GTF2E2: variants seen among roughly 807,000 people sequenced by gnomAD.
GTF2E2 encodes the protein transcription initiation factor IIE subunit beta.
In GTF2E2, 21 loss-of-function variants were observed where a neutral mutation model predicts 40.5. The ratio of observed to expected loss-of-function variants is 0.52; its 90% confidence interval spans 0.37 to 0.75. GTF2E2 has a LOEUF of 0.75. GTF2E2 is among the 30% of genes least tolerant of loss of function. The probability of loss-of-function intolerance (pLI) is 0.00; values close to 1 mark genes in which losing one functional copy is unlikely to be tolerated. For synonymous variants in GTF2E2, 117 were observed against 121.6 expected (o/e 0.96, Z 0.25); for missense variants, 298 against 338.4 (o/e 0.88, Z 0.94).
chr8:30,596,968 T>C (rs1437556884), intron 6 of GTF2E2: 3 of 152,464 alleles, frequency 2.0e-5, no homozygotes, highest in Admixed American at 2.0e-4. Context: ...TTTTTTGGTC[T>C]TCCTTTTACG....
intron 3 of GTF2E2, among the ~76,000 whole-genome samples, chr8:30,624,044 C>T (rs891960662): frequency 3.8e-4 from 58 of 152,150 alleles, no homozygotes; most frequent in Admixed American, 4.6e-4. Flanking sequence ...TTTTGGCTTT[C>T]GTTGCCATTG....
intron 5 of GTF2E2, 32 bp downstream of exon 5, chr8:30,612,267 A>C: frequency 7.6e-7 from 1 of 1,323,680 alleles, no homozygotes; most frequent in African/African-American, 1.4e-5. Flanking sequence ...CATTCAAATT[A>C]TATTAAGACA....
At chr8:30,618,984 C>T (rs1454779798) in intron 3 of GTF2E2, among the ~76,000 whole-genome samples, 2 of 152,208 alleles carry the variant, frequency 1.3e-5, no homozygotes, top group African/African-American at 4.8e-5. Context: ...CGCCTTGTCA[C>T]CGGGCTAGAG....
intron 6 of GTF2E2, among the ~76,000 whole-genome samples, chr8:30,596,186 T>C (rs1027134646): frequency 2.0e-5 from 3 of 152,212 alleles, no homozygotes; most frequent in Non-Finnish European, 4.4e-5. Flanking sequence ...TTGGTGTCCA[T>C]CATTAATTTT....
chr8:30,655,093 C>A (rs1013554770), intron 1 of GTF2E2, among the ~76,000 whole-genome samples: 33 of 151,488 alleles, frequency 2.2e-4, no homozygotes, highest in Admixed American at 2.2e-3. Context: ...CCGGGCTACT[C>A]AGAACGCTGA....
Position 30,582,172 on chromosome 8 carries a change from A to G in GTF2E2, c.644-1776T>C, listed in dbSNP as rs116280947. Among the ~76,000 whole-genome samples, 99 of 152,114 alleles carry G rather than the reference A, an allele frequency of 6.5e-4. 1 individual carries two copies. Among genetic ancestry groups the G allele is most frequent in the African/African-American group, 2.3e-3 (94 of 41,510 alleles). On this transcript the variant is annotated intron_variant, in intron 6 of 7. Transcript: ENST00000355904. ...GACCAAGGTACACACCACCATGCCC[A>G]GCTAAGTTGTTTCTGGGGGGGTGGG...
At chr8:30,584,323 G>A (rs1488659458) in intron 6 of GTF2E2, among the ~76,000 whole-genome samples, 6 of 150,558 alleles carry the variant, frequency 4.0e-5, no homozygotes, top group African/African-American at 1.2e-4. Flanking sequence ...TTCCTGACTT[G>A]TTTTATTATA....
rs532685346 is a variant in GTF2E2 at position 30,614,471 on chromosome 8, T to G, written c.366+137A>C. ...GGCACATGCCTGTAGTCCCAACTAC[T>G]CGGGAGGCTGAGTCAGCAGTGGGCT... is the stretch of plus-strand genomic sequence containing the variant. On this transcript the variant is annotated intron_variant, in intron 4 of 7. Transcript: ENST00000355904. 898 of 548,972 alleles carry G rather than the reference T, an allele frequency of 1.6e-3. 2 individuals are homozygous for G. The highest frequency in any genetic ancestry group is 2.4e-3 in the Non-Finnish European group (744 of 311,912). 34.0% of individuals were successfully genotyped at this position (548,972 alleles called of 1,614,324 possible).
intron 2 of GTF2E2, among the ~76,000 whole-genome samples, chr8:30,646,887 G>A (rs983369770): frequency 2.1e-5 from 3 of 144,210 alleles, no homozygotes; most frequent in Non-Finnish European, 4.5e-5. Flanking sequence ...GGCTGAGGCA[G>A]GAGAACTGCT....
At chr8:30,587,986 A>C (rs987149152) in intron 6 of GTF2E2, among the ~76,000 whole-genome samples, 1 of 152,138 alleles carries the variant, frequency 6.6e-6, no homozygotes, top group Non-Finnish European at 1.5e-5. Context: ...TGGGGCAGAG[A>C]CTTAAAGGAA....
At chr8:30,603,539 A>G (rs1376140909) in intron 6 of GTF2E2, among the ~76,000 whole-genome samples, 1 of 152,188 alleles carries the variant, frequency 6.6e-6, no homozygotes, top group African/African-American at 2.4e-5. Context: ...TAAATACAAC[A>G]AAGGGGGACA....
Position 30,578,626 on chromosome 8 carries a change from AG to A in GTF2E2, c.*294del. 4.5e-6 allele frequency: 1 copy of A among 223,142 alleles called. No individual in the cohort carries two copies. The highest frequency in any genetic ancestry group is 8.8e-6 in the Non-Finnish European group (1 of 113,428). The allele number at this position is 223,142 out of a possible 1,614,324, so 13.8% of individuals were successfully genotyped here. A position where few individuals can be genotyped will look rare whatever the true frequency, so the allele number is the denominator to read the frequency against. On this transcript the variant is annotated 3_prime_UTR_variant, in exon 8 of 8. Coordinates refer to ENST00000355904, the MANE Select transcript of GTF2E2 (RefSeq NM_002095.6). ...CTCTAAAGTAACAAACGAGGAAGAA[AG>A]GAACCAGGAACCATTTAGAAGTGGA...
chr8:30,596,519 T>C (rs755576416), intron 6 of GTF2E2, among the ~76,000 whole-genome samples: 4 of 152,240 alleles, frequency 2.6e-5, no homozygotes, highest in Non-Finnish European at 4.4e-5. Context: ...CCTTTTCTAC[T>C]AGAGATTTTA....
intron 3 of GTF2E2, among the ~76,000 whole-genome samples, chr8:30,630,757 T>C (rs979013150): frequency 3.3e-5 from 5 of 152,182 alleles, no homozygotes; most frequent in African/African-American, 1.2e-4. Context: ...GTAACTGAGG[T>C]GCCGTAAACT....
At chr8:30,652,141 T>A (rs1045023978) in intron 2 of GTF2E2, among the ~76,000 whole-genome samples, 11 of 151,444 alleles carry the variant, frequency 7.3e-5, no homozygotes, top group Non-Finnish European at 1.3e-4. Context: ...CAGAAAAAAA[T>A]TTTCATGACC....
chr8:30,625,071 T>A (rs559557029), intron 3 of GTF2E2, among the ~76,000 whole-genome samples: 7 of 152,150 alleles, frequency 4.6e-5, no homozygotes, highest in Admixed American at 2.6e-4. Context: ...AGAGAGGGCA[T>A]CCCTGTCTTG....
At chr8:30,654,528 G>C (rs1183579906) in intron 1 of GTF2E2, among the ~76,000 whole-genome samples, 2 of 151,602 alleles carry the variant, frequency 1.3e-5, no homozygotes, top group African/African-American at 2.4e-5. Flanking sequence ...TCAGCCTCCT[G>C]ACTAGCTAGT....
intron 2 of GTF2E2, among the ~76,000 whole-genome samples, chr8:30,650,378 T>C (rs568062816): frequency 2.6e-5 from 4 of 152,110 alleles, no homozygotes; most frequent in African/African-American, 7.2e-5. Context: ...TCAGACAACA[T>C]CCAGTACCCA....
intron 6 of GTF2E2, among the ~76,000 whole-genome samples, chr8:30,591,604 C>T (rs1010546642): frequency 1.3e-5 from 2 of 152,246 alleles, no homozygotes; most frequent in Non-Finnish European, 2.9e-5. Flanking sequence ...TAACACTTCA[C>T]ATCCACCAGA....
Sources: gnomAD v4.1 joint callset for allele counts (sites outside exome capture counted in the v4.1 genomes callset) on GRCh38, gnomAD v4.1.1 for gene constraint, MANE v1.5 for transcripts, NCBI Gene and HGNC (gene_info 2026-07-23, HGNC 2026-07-21) for gene names.